Variants in CAPS2 observed in about 807,000 individuals in gnomAD.
The protein encoded by CAPS2 is calcyphosine 2, also known as calcyphosin-2.
CAPS2 carries 98 observed loss-of-function variants against 86.5 expected under a neutral mutation model. That is an observed-to-expected ratio of 1.13 (90% CI 0.96 to 1.34). The LOEUF (loss-of-function observed/expected upper bound fraction) is 1.34, where lower values mean the gene tolerates loss of function less well. Ranked by LOEUF, CAPS2 falls within the 40% of genes most tolerant of loss-of-function variation. The pLI is 0.00. For missense variants in CAPS2, 729 were observed against 686.8 expected, an observed-to-expected ratio of 1.06 and a Z score of -0.69; for synonymous variants, 210 against 225.1, an observed-to-expected ratio of 0.93 and a Z score of 0.60.
intron 1 of CAPS2, among the ~76,000 whole-genome samples, chr12:75,348,461 A>G (rs1311437829): frequency 3.3e-5 from 5 of 152,242 alleles, no homozygotes; most frequent in African/African-American, 1.2e-4. Flanking sequence ...AATGAAAAAT[A>G]CAAATTTTTA....
chr12:75,363,834 C>A (rs1257406061), intron 1 of CAPS2, among the ~76,000 whole-genome samples: 1 of 152,098 alleles, frequency 6.6e-6, no homozygotes, highest in Admixed American at 6.6e-5. Flanking sequence ...TTGTTTTTTA[C>A]ATTTTAAGGA....
chr12:75,379,853 T>TAAAAAAAAA (rs35309353), intron 1 of CAPS2, among the ~76,000 whole-genome samples: 1 of 111,930 alleles, frequency 8.9e-6, no homozygotes, highest in Non-Finnish European at 1.8e-5. Flanking sequence ...TCCCTATCAG[T>TAAAAAAAAA]AAAAAAAAAA....
Position 75,321,408 on chromosome 12 carries a change from C to T in CAPS2, c.460G>A (p.Asp154Asn), listed in dbSNP as rs1352540001. ...AAAGCCTCATACATTACCTTTTCAT[C>T]TATCTTGTTTCTTGGAGACTGTTTA... The change falls in exon 5 of 17, where the codon GAT becomes AAT. Residue 154 changes from aspartate to asparagine, a missense_variant. By Grantham distance (23) the Asp-to-Asn change is conservative (BLOSUM62 1). Coordinates refer to ENST00000393284, the Ensembl canonical transcript of CAPS2. The T allele has an allele frequency of 2.0e-6, 3 of 1,534,164 alleles. No homozygotes were observed. In the South Asian group the frequency reaches 3.7e-5, roughly 19 times the overall value.
At chr12:75,333,075 A>G (rs2041443998), upstream of CAPS2, among the ~76,000 whole-genome samples, 1 of 152,182 alleles carries the variant, frequency 6.6e-6, no homozygotes, top group South Asian at 2.1e-4. Context: ...CAGATTATGT[A>G]GTGTCTTTTG....
At chr12:75,344,091 C>T (rs979836442) in intron 1 of CAPS2, among the ~76,000 whole-genome samples, 21 of 151,954 alleles carry the variant, frequency 1.4e-4, no homozygotes, top group African/African-American at 4.4e-4. Context: ...TAATAATATA[C>T]CAAAGTTTTC....
At chr12:75,300,054 C>T in intron 8 of CAPS2, 143 bp from the exon 9 acceptor site, 2 of 431,676 alleles carry the variant, frequency 4.6e-6, no homozygotes, top group Non-Finnish European at 8.4e-6. Context: ...CTCTTTTTTT[C>T]AGATTGCTAA....
At chr12:75,279,004 G>A (rs1319515623) in exon 17 of CAPS2, 2 of 1,610,348 alleles carry the variant, frequency 1.2e-6, no homozygotes, top group Admixed American at 3.4e-5. Context: ...CATCAGACTT[G>A]CTGCAGGCAA....
At chr12:75,318,606 T>C (rs1049619350) in intron 5 of CAPS2, among the ~76,000 whole-genome samples, 1 of 152,126 alleles carries the variant, frequency 6.6e-6, no homozygotes, top group Non-Finnish European at 1.5e-5. Context: ...TCCTCAGGTG[T>C]ATGCTAAAAT....
exon 17 of CAPS2, chr12:75,277,621 C>T: frequency 1.0e-6 from 1 of 984,640 alleles, no homozygotes; most frequent in Middle Eastern, 5.2e-4. Flanking sequence ...TACCTTCTCA[C>T]ATCTTGAAAA....
chr12:75,377,439 C>T (rs1255490852), intron 1 of CAPS2, among the ~76,000 whole-genome samples: 1 of 152,130 alleles, frequency 6.6e-6, no homozygotes, highest in Non-Finnish European at 1.5e-5. Flanking sequence ...GTGGCTCAGC[C>T]CAAGTCCCAA....
intron 11 of CAPS2, 50 bp downstream of exon 11, chr12:75,298,637 C>A: frequency 4.1e-6 from 6 of 1,473,748 alleles, no homozygotes; most frequent in Non-Finnish European, 5.7e-6. Context: ...TGGGACTCCA[C>A]AAAATCCACC....
chr12:75,341,515 C>G (rs2042107296), intron 1 of CAPS2, among the ~76,000 whole-genome samples: 2 of 151,890 alleles, frequency 1.3e-5, no homozygotes, highest in Non-Finnish European at 2.9e-5. Context: ...GGCGCTGTCT[C>G]GGCTCACTGC....
At chr12:75,302,865 A>G (rs1220489661) in intron 8 of CAPS2, among the ~76,000 whole-genome samples, 1 of 152,224 alleles carries the variant, frequency 6.6e-6, no homozygotes, top group Non-Finnish European at 1.5e-5. Flanking sequence ...AAAAAGGCAG[A>G]CAATACCAAG....
At chr12:75,305,447 G>C (rs1424797468) in intron 7 of CAPS2, 8 of 522,232 alleles carry the variant, frequency 1.5e-5, no homozygotes, top group Non-Finnish European at 2.9e-5. Context: ...GGCACAGACC[G>C]GTTGGAACAA....
intron 16 of CAPS2, among the ~76,000 whole-genome samples, chr12:75,281,468 AAGAACTCCAAAACATAC>A (rs1292566282): frequency 2.0e-5 from 3 of 151,986 alleles, no homozygotes; most frequent in Non-Finnish European, 4.4e-5. Flanking sequence ...TTAACATATA[AAGAACTCCAAAACATAC>A]TTGTGAGTGT....
rs1259436725 is a variant in CAPS2, at chr12:75,390,200, GGTTTT to G, written c.-395+633_-395+637del. The G allele has an allele frequency of 2.0e-5, 8 of 393,044 alleles. No homozygotes were observed. The East Asian group carries it at 3.6e-4, about 18-fold the overall frequency. The allele number at this position is 393,044 out of a possible 1,614,324, so 24.3% of individuals were successfully genotyped here. On this transcript the variant is annotated intron_variant, in intron 1 of 5. Transcript: ENST00000551829. ...GAATTTAAAGTCTTCAAAGCAAGTT[GGTTTT>G]GTTTTGTTTTGTTTTTGAGGAAAAT... is the stretch of plus-strand genomic sequence containing the variant.
chr12:75,390,322 T>C (rs1049918727), intron 1 of CAPS2: 2 of 456,214 alleles, frequency 4.4e-6, no homozygotes, highest in African/African-American at 2.0e-5. Flanking sequence ...TCGTTCTTAC[T>C]GTGAATGCCA....
At chr12:75,312,126 C>T (rs924122426) in intron 7 of CAPS2, among the ~76,000 whole-genome samples, 1 of 152,172 alleles carries the variant, frequency 6.6e-6, no homozygotes, top group Admixed American at 6.5e-5. Context: ...CAATTCAGCA[C>T]TGCATATGTT....
At chr12:75,386,799 A>G (rs762081951) in intron 1 of CAPS2, among the ~76,000 whole-genome samples, 2 of 152,164 alleles carry the variant, frequency 1.3e-5, no homozygotes, top group Non-Finnish European at 2.9e-5. Context: ...CAAAGGCAAT[A>G]TAATGGAGAA....
Sources: allele counts gnomAD v4.1 joint callset (sites outside exome capture counted in the v4.1 genomes callset), GRCh38; gene constraint gnomAD v4.1.1; transcripts MANE v1.5; gene names NCBI Gene and HGNC (gene_info 2026-07-23, HGNC 2026-07-21).